BMAL1: variants seen among roughly 807,000 people sequenced by gnomAD.
BMAL1 encodes the protein basic helix-loop-helix ARNT like 1.
the BMAL1 span, among the ~76,000 whole-genome samples, chr11:13,367,653 A>G: frequency 7.0e-6 from 1 of 142,206 alleles, no homozygotes; most frequent in African/African-American, 2.6e-5. Flanking sequence ...GTAAGCTGAG[A>G]TTGTACCACT....
chr11:13,368,148 G>A, the BMAL1 span, among the ~76,000 whole-genome samples: 1 of 152,302 alleles, frequency 6.6e-6, no homozygotes, highest in African/African-American at 2.4e-5. Flanking sequence ...TTTGGGCCTT[G>A]CCTTTGAGGC....
the BMAL1 span, among the ~76,000 whole-genome samples, chr11:13,375,074 C>CCTGT: frequency 6.6e-6 from 1 of 152,198 alleles, no homozygotes. Context: ...ATCTCTTCTC[C>CCTGT]CTGTATAGCC....
At chr11:13,317,880 C>A in the BMAL1 span, among the ~76,000 whole-genome samples, 1 of 152,288 alleles carries the variant, frequency 6.6e-6, no homozygotes, top group African/African-American at 2.4e-5. Context: ...ACTGTCTACC[C>A]CCTGGCTGCA....
the BMAL1 span, among the ~76,000 whole-genome samples, chr11:13,297,437 C>T: frequency 6.6e-6 from 1 of 152,198 alleles, no homozygotes; most frequent in Non-Finnish European, 1.5e-5. Flanking sequence ...GGGTTCTTCT[C>T]GCTGCCTGTG....
At chr11:13,369,631 T>G in the BMAL1 span, 1 of 1,613,922 alleles carries the variant, frequency 6.2e-7, no homozygotes, top group Non-Finnish European at 8.5e-7. Flanking sequence ...GACTTCCAGT[T>G]AAAACAGATA....
chr11:13,287,315 T>C, the BMAL1 span, among the ~76,000 whole-genome samples: 1 of 152,172 alleles, frequency 6.6e-6, no homozygotes, highest in East Asian at 1.9e-4. Flanking sequence ...TGGTCAGTTG[T>C]GAATGGTGTG....
chr11:13,320,846 G>A, the BMAL1 span, among the ~76,000 whole-genome samples: 1 of 152,156 alleles, frequency 6.6e-6, no homozygotes, highest in African/African-American at 2.4e-5. Context: ...TCCAGTAATA[G>A]GAACTGATTA....
At chr11:13,337,205 A>C in the BMAL1 span, among the ~76,000 whole-genome samples, 1 of 152,224 alleles carries the variant, frequency 6.6e-6, no homozygotes, top group Non-Finnish European at 1.5e-5. Flanking sequence ...TGGAAAATTG[A>C]GAAATTATAA....
chr11:13,344,158 C>G, the BMAL1 span, among the ~76,000 whole-genome samples: 1 of 152,174 alleles, frequency 6.6e-6, no homozygotes, highest in Non-Finnish European at 1.5e-5. Context: ...CTCATAAGAC[C>G]TCTTCGCTGG....
chr11:13,339,798 C>T, the BMAL1 span, among the ~76,000 whole-genome samples: 73 of 152,168 alleles, frequency 4.8e-4, no homozygotes, highest in Admixed American at 4.3e-3. Context: ...ACTTTCCTCC[C>T]GAGCACTTAC....
chr11:13,307,463 G>C, the BMAL1 span, among the ~76,000 whole-genome samples: 1 of 152,178 alleles, frequency 6.6e-6, no homozygotes, highest in Admixed American at 6.5e-5. Flanking sequence ...TGGAGAACAG[G>C]GATAGAGTCC....
the BMAL1 span, among the ~76,000 whole-genome samples, chr11:13,322,002 A>C: frequency 6.6e-6 from 1 of 152,080 alleles, no homozygotes; most frequent in Non-Finnish European, 1.5e-5. Flanking sequence ...GACCCTGCCT[A>C]CTGCATGAAC....
At chr11:13,330,606 G>A in the BMAL1 span, among the ~76,000 whole-genome samples, 6 of 152,230 alleles carry the variant, frequency 3.9e-5, no homozygotes, top group East Asian at 1.9e-4. Context: ...GATGTAGAGC[G>A]AAATTATTGG....
At chr11:13,364,124 C>G in the BMAL1 span, among the ~76,000 whole-genome samples, 2 of 152,224 alleles carry the variant, frequency 1.3e-5, no homozygotes, top group Admixed American at 1.3e-4. Context: ...CCATGAGATA[C>G]AAGATTATCT....
the BMAL1 span, among the ~76,000 whole-genome samples, chr11:13,316,427 A>G: frequency 1.3e-5 from 2 of 152,174 alleles, no homozygotes; most frequent in African/African-American, 4.8e-5. Flanking sequence ...GGAGCTTTGA[A>G]TAGTAGATAC....
the BMAL1 span, among the ~76,000 whole-genome samples, chr11:13,354,100 A>G: frequency 5.3e-5 from 8 of 152,120 alleles, no homozygotes; most frequent in Non-Finnish European, 1.2e-4. Context: ...CTTAAAATAA[A>G]TATGATGCTC....
chr11:13,317,159 A>G, the BMAL1 span, among the ~76,000 whole-genome samples: 1 of 152,206 alleles, frequency 6.6e-6, no homozygotes, highest in Admixed American at 6.5e-5. Context: ...TATTGTTAAT[A>G]ATAATTATAA....
chr11:13,366,536 C>A, the BMAL1 span: 1 of 813,126 alleles, frequency 1.2e-6, no homozygotes, highest in Non-Finnish European at 2.0e-6. Flanking sequence ...TACAGGTTCA[C>A]ATAGGAAAAG....
the BMAL1 span, among the ~76,000 whole-genome samples, chr11:13,277,348 G>A: frequency 1.3e-5 from 2 of 152,188 alleles, no homozygotes; most frequent in African/African-American, 2.4e-5. Context: ...GACATCCCGG[G>A]CGACCCCGAG....
Sources: gnomAD v4.1 joint callset for allele counts (sites outside exome capture counted in the v4.1 genomes callset) on GRCh38, gnomAD v4.1.1 for gene constraint, MANE v1.5 for transcripts, NCBI Gene and HGNC (gene_info 2026-07-23, HGNC 2026-07-21) for gene names.